Variants in TDRD7 observed in about 807,000 individuals in gnomAD.
TDRD7 encodes the protein tudor domain containing 7, also known as tudor domain-containing protein 7.
Under a neutral mutation model 109.8 loss-of-function variants are expected in TDRD7, and 47 were observed. That is an observed-to-expected ratio of 0.43 (90% CI 0.34 to 0.55). The LOEUF (loss-of-function observed/expected upper bound fraction) is 0.55. TDRD7 is among the 20% of genes least tolerant of loss of function. The pLI is 0.03. For missense variants in TDRD7, 1,164 were observed against 1,319.2 expected (o/e 0.88, Z 1.82); for synonymous variants, 424 against 457.3 (o/e 0.93, Z 0.93).
rs377406077 is a variant in TDRD7, at chr9:97,460,688, C to A, written c.1366C>A (p.Pro456Thr). ...CTTTATGGAGGACATAACAGTTCCT[C>A]CTTTAATGATTCCAACTGAAGCATC... ...NTFMEDITVP[P>T]LMIPTEASPS... The change falls in exon 7 of 17, where the codon CCT (proline) becomes ACT (threonine). Residue 456 changes from proline (P) to threonine (T), a missense_variant. Coordinates refer to ENST00000355295, the MANE Select transcript of TDRD7 (RefSeq NM_014290.3). The A allele has an allele frequency of 6.2e-7, 1 of 1,614,154 alleles. No individual in the cohort carries two copies. The highest frequency in any genetic ancestry group is 8.5e-7 in the Non-Finnish European group (1 of 1,180,036).
At chr9:97,471,437 G>C (rs1002079737) in intron 9 of TDRD7, among the ~76,000 whole-genome samples, 8 of 152,148 alleles carry the variant, frequency 5.3e-5, no homozygotes, top group Non-Finnish European at 7.4e-5. Context: ...TTAAAAACTT[G>C]TTAACAACTT....
chr9:97,488,321 G>A (rs1829246017), intron 16 of TDRD7, among the ~76,000 whole-genome samples: 1 of 152,196 alleles, frequency 6.6e-6, no homozygotes, highest in Admixed American at 6.5e-5. Flanking sequence ...CAGAAGTGAT[G>A]TGATGTCAGC....
intron 13 of TDRD7, chr9:97,480,427 ATT>A (rs61045195): frequency 2.7e-3 from 506 of 186,180 alleles, no homozygotes; most frequent in South Asian, 7.4e-3. Flanking sequence ...ATGACAATTG[ATT>A]TTTTTTTTTT....
At chr9:97,482,277 TGGCGATG>T (rs952601332) in intron 14 of TDRD7, among the ~76,000 whole-genome samples, 31 of 152,272 alleles carry the variant, frequency 2.0e-4, no homozygotes, top group African/African-American at 7.2e-4. Context: ...CCCATGTAAT[TGGCGATG>T]GGGAAAGGGG....
intron 1 of TDRD7, among the ~76,000 whole-genome samples, chr9:97,418,768 T>C (rs1827852677): frequency 6.6e-6 from 1 of 152,216 alleles, no homozygotes; most frequent in Non-Finnish European, 1.5e-5. Flanking sequence ...CACAGTGTTC[T>C]GTTAGGTTTT....
intron 8 of TDRD7, among the ~76,000 whole-genome samples, chr9:97,467,238 C>T (rs554148515): frequency 4.6e-5 from 7 of 152,302 alleles, no homozygotes; most frequent in East Asian, 1.9e-4. Flanking sequence ...AAGAATCATA[C>T]GTAAATCCTA....
At chr9:97,444,008 C>G (rs1401146620) in intron 6 of TDRD7, among the ~76,000 whole-genome samples, 1 of 152,048 alleles carries the variant, frequency 6.6e-6, no homozygotes, top group African/African-American at 2.4e-5. Context: ...CTTTGCTACT[C>G]TACATGCCTT....
rs572707558 is a variant in TDRD7 at position 97,459,041 on chromosome 9, G to C, written c.856-1137G>C. On this transcript the variant is annotated intron_variant, in intron 6 of 16. Transcript: ENST00000355295. ...TAAGGGGTTAAATTGCAGCTAAGGG[G>C]TAGGTAAAATAGGATCTGACAAAAT... 3.3e-5 allele frequency among the ~76,000 whole-genome samples: 5 copies of C among 152,310 alleles called. No individual in the cohort carries two copies. In the South Asian group the frequency reaches 1.0e-3, roughly 32 times the overall value.
At chr9:97,441,116 T>G (rs1207570363) in intron 5 of TDRD7, among the ~76,000 whole-genome samples, 2 of 152,196 alleles carry the variant, frequency 1.3e-5, no homozygotes, top group South Asian at 2.1e-4. Flanking sequence ...TTTTTAACTT[T>G]TGTGTGTTGC....
At chr9:97,481,797 C>T (rs1052824829) in intron 14 of TDRD7, among the ~76,000 whole-genome samples, 1 of 152,086 alleles carries the variant, frequency 6.6e-6, no homozygotes, top group Non-Finnish European at 1.5e-5. Context: ...ATTTTTAAAA[C>T]TGTACTTCTG....
rs756959919 is a variant in TDRD7, at chr9:97,432,155, T to G, written c.480T>G (p.Pro160=). ...VGVKPDAEMS[P]YMLHTTLGNE... The stretch of plus-strand genomic sequence containing the variant: ...TTAAGCCTGATGCTGAAATGTCTCC[T>G]TATATGCTACACACAACTCTTGGAA... Residue 160 remains proline (P), a synonymous_variant, in exon 4 of 17, where the codon CCT becomes CCG. Transcript: ENST00000355295. 1 of 1,613,868 alleles carries G rather than the reference T, an allele frequency of 6.2e-7. No homozygotes were observed. Among genetic ancestry groups the G allele is most frequent in the African/African-American group, 1.3e-5 (1 of 75,020 alleles).
At chr9:97,470,422 C>T in intron 8 of TDRD7, 136 bp from the exon 9 acceptor site, 7 of 774,334 alleles carry the variant, frequency 9.0e-6, no homozygotes, top group Non-Finnish European at 1.5e-5. Flanking sequence ...TCAGGGGCAC[C>T]TCCCCAGCTT....
intron 7 of TDRD7, among the ~76,000 whole-genome samples, chr9:97,463,071 G>C (rs1330119410): frequency 6.6e-6 from 1 of 152,240 alleles, no homozygotes; most frequent in East Asian, 1.9e-4. Context: ...AGAGCCAAGA[G>C]TGCAACTGCA....
chr9:97,479,154 G>A (rs1036455490), intron 13 of TDRD7, among the ~76,000 whole-genome samples: 3 of 151,730 alleles, frequency 2.0e-5, no homozygotes, highest in African/African-American at 7.3e-5. Context: ...AAAACAATGC[G>A]GTATTCTACA....
intron 16 of TDRD7, 103 bp from the exon 17 acceptor site, chr9:97,495,560 T>A: frequency 4.3e-6 from 5 of 1,152,682 alleles, no homozygotes; most frequent in Non-Finnish European, 6.5e-6. Flanking sequence ...CCTGGGATGC[T>A]TAAGTTACTT....
At chr9:97,466,456 A>G (rs554267037) in intron 8 of TDRD7, among the ~76,000 whole-genome samples, 1 of 152,202 alleles carries the variant, frequency 6.6e-6, no homozygotes, top group Non-Finnish European at 1.5e-5. Flanking sequence ...ACACTTAACC[A>G]TATGACCCCT....
At chr9:97,486,202 A>T (rs1332534754) in intron 15 of TDRD7, among the ~76,000 whole-genome samples, 1 of 152,042 alleles carries the variant, frequency 6.6e-6, no homozygotes, top group African/African-American at 2.4e-5. Flanking sequence ...GCCAATTTCC[A>T]CCATTTAGCA....
chr9:97,414,248 T>G (rs1292838630), intron 1 of TDRD7, among the ~76,000 whole-genome samples: 1 of 152,268 alleles, frequency 6.6e-6, no homozygotes, highest in African/African-American at 2.4e-5. Flanking sequence ...CAGTTTTGTC[T>G]TTCAAACTAA....
At position 97,477,712 on chromosome 9, in the gene TDRD7, TTA is replaced by T. The variant is rs139053447; in HGVS notation, c.2167-724_2167-723del. On this transcript the variant is annotated intron_variant, in intron 12 of 16. Coordinates refer to ENST00000355295, the MANE Select transcript of TDRD7 (RefSeq NM_014290.3). ...TTAATCATGTATTTATTCTTGATAG[TTA>T]TACAAATAATTGCAAAGGTAATTAT... Among the ~76,000 whole-genome samples the T allele has an allele frequency of 7.8e-3, 1,182 of 152,244 alleles. 18 individuals are homozygous for T. The highest frequency in any genetic ancestry group is 0.028 in the African/African-American group (1,144 of 41,552).
Sources: gnomAD v4.1 joint callset for allele counts (sites outside exome capture counted in the v4.1 genomes callset) on GRCh38, gnomAD v4.1.1 for gene constraint, MANE v1.5 for transcripts, NCBI Gene and HGNC (gene_info 2026-07-23, HGNC 2026-07-21) for gene names.